PRKCA: variants seen among roughly 807,000 people sequenced by gnomAD.
PRKCA encodes protein kinase C alpha, also known as protein kinase C alpha type.
A neutral mutation model predicts 87.0 loss-of-function variants in PRKCA; 27 were observed. The ratio of observed to expected loss-of-function variants is 0.31; its 90% CI spans 0.23 to 0.43. PRKCA has a LOEUF of 0.43. PRKCA is among the 20% of genes least tolerant of loss of function. The probability of loss-of-function intolerance (pLI) is 1.00; values close to 1 mark genes in which losing one functional copy is unlikely to be tolerated. For missense variants in PRKCA, 518 were observed against 852.3 expected (o/e 0.61, Z 4.88); for synonymous variants, 329 against 311.1 (o/e 1.06, Z -0.61).
intron 2 of PRKCA, among the ~76,000 whole-genome samples, chr17:66,336,606 T>TG (rs762034474): frequency 3.3e-3 from 322 of 98,188 alleles, no homozygotes; most frequent in Non-Finnish European, 6.8e-3. Flanking sequence ...TTTTTGGTGG[T>TG]GGTGGGGGAG....
chr17:66,585,057 T>G (rs1969549472), intron 3 of PRKCA, among the ~76,000 whole-genome samples: 2 of 124,164 alleles, frequency 1.6e-5, no homozygotes, highest in Admixed American at 1.6e-4. Flanking sequence ...CATGGTGAAA[T>G]GCATGGGGAG....
In PRKCA at chr17:66,688,335, G is replaced by C. The variant is rs969058933; in HGVS notation, c.720G>C (p.Leu240=). 6.8e-6 allele frequency: 11 copies of C among 1,614,082 alleles called. No homozygotes were observed. Among genetic ancestry groups the C allele is most frequent in the African/African-American group, 4.0e-5 (3 of 74,942 alleles). Residue 240 remains leucine (L), a synonymous_variant, in exon 7 of 17, where the codon CTG becomes CTC. Coordinates refer to ENST00000413366, the MANE Select transcript of PRKCA (RefSeq NM_002737.3). ...KLKPSDKDRR[L]SVEIWDWDRT... ...AACCTTCAGACAAAGACCGACGACTGTCTGTAGAAATCTGGGACTGGGATC... is the reference window on the plus strand; with the variant it reads ...AACCTTCAGACAAAGACCGACGACTCTCTGTAGAAATCTGGGACTGGGATC...
At chr17:66,473,908 T>C (rs1423374283) in intron 2 of PRKCA, among the ~76,000 whole-genome samples, 1 of 152,056 alleles carries the variant, frequency 6.6e-6, no homozygotes, top group Non-Finnish European at 1.5e-5. Flanking sequence ...CACTCCAGTC[T>C]GGTTCTGGGC....
At chr17:66,652,689 A>C (rs1971620323) in intron 5 of PRKCA, among the ~76,000 whole-genome samples, 1 of 152,178 alleles carries the variant, frequency 6.6e-6, no homozygotes, top group Admixed American at 6.5e-5. Context: ...CTTCACTCCC[A>C]AAAACTTGGG....
At chr17:66,628,574 T>C (rs1478426353) in intron 3 of PRKCA, among the ~76,000 whole-genome samples, 1 of 152,212 alleles carries the variant, frequency 6.6e-6, no homozygotes, top group Non-Finnish European at 1.5e-5. Flanking sequence ...TTAACTACCT[T>C]TTCTAATTTT....
At chr17:66,482,121 A>AAAAG (rs1915813051) in intron 2 of PRKCA, among the ~76,000 whole-genome samples, 1 of 148,226 alleles carries the variant, frequency 6.7e-6, no homozygotes, top group African/African-American at 2.6e-5. Flanking sequence ...AAAAAAAGAA[A>AAAAG]AAAAGAAAAA....
chr17:66,773,957 A>C, intron 13 of PRKCA, 30 bp from the exon 14 acceptor site: 3 of 1,613,412 alleles, frequency 1.9e-6, no homozygotes, highest in Non-Finnish European at 2.5e-6. Flanking sequence ...ACTTACCACT[A>C]ATGTAATTGA....
intron 2 of PRKCA, among the ~76,000 whole-genome samples, chr17:66,429,640 A>C (rs1912999402): frequency 6.6e-6 from 1 of 152,086 alleles, no homozygotes; most frequent in Non-Finnish European, 1.5e-5. Context: ...CTAAGGTCCA[A>C]CTGCTGATTC....
chr17:66,338,951 G>A (rs2143337361), intron 2 of PRKCA, among the ~76,000 whole-genome samples: 1 of 152,272 alleles, frequency 6.6e-6, no homozygotes, highest in East Asian at 1.9e-4. Flanking sequence ...GAACATACTT[G>A]TGCCCACACA....
intron 2 of PRKCA, among the ~76,000 whole-genome samples, chr17:66,385,771 A>AT (rs373900429): frequency 2.6e-5 from 4 of 151,846 alleles, no homozygotes; most frequent in African/African-American, 9.7e-5. Context: ...GGGCACAATT[A>AT]TTTTTTTTCC....
intron 2 of PRKCA, among the ~76,000 whole-genome samples, chr17:66,404,574 G>A (rs1236407745): frequency 1.3e-5 from 2 of 151,920 alleles, no homozygotes; most frequent in South Asian, 2.1e-4. Flanking sequence ...TAGCAATAAC[G>A]TTTGAGAATT....
At chr17:66,438,496 A>G (rs1234189459) in intron 2 of PRKCA, among the ~76,000 whole-genome samples, 1 of 152,198 alleles carries the variant, frequency 6.6e-6, no homozygotes, top group Non-Finnish European at 1.5e-5. Flanking sequence ...AAGTTGTTTG[A>G]AAACTCTGTT....
At chr17:66,647,219 C>T (rs2143827985) in intron 5 of PRKCA, among the ~76,000 whole-genome samples, 1 of 152,278 alleles carries the variant, frequency 6.6e-6, no homozygotes, top group East Asian at 1.9e-4. Context: ...GCAGATTTTG[C>T]AGCCGAGGGG....
chr17:66,440,202 G>A (rs957981525), intron 2 of PRKCA, among the ~76,000 whole-genome samples: 2 of 152,174 alleles, frequency 1.3e-5, no homozygotes, highest in African/African-American at 4.8e-5. Context: ...AAACTCAAGT[G>A]ACTGACAAGG....
At chr17:66,393,700 C>T (rs1015749225) in intron 2 of PRKCA, among the ~76,000 whole-genome samples, 7 of 151,926 alleles carry the variant, frequency 4.6e-5, no homozygotes, top group Non-Finnish European at 8.8e-5. Flanking sequence ...GGGGACCACC[C>T]CAGGAACCCT....
intron 2 of PRKCA, among the ~76,000 whole-genome samples, chr17:66,433,257 C>T (rs185747581): frequency 6.6e-6 from 1 of 152,202 alleles, no homozygotes; most frequent in African/African-American, 2.4e-5. Flanking sequence ...GGGCCCAGAG[C>T]TTCCCTGCAG....
intron 3 of PRKCA, among the ~76,000 whole-genome samples, chr17:66,629,814 A>G (rs1212940435): frequency 9.2e-5 from 14 of 152,202 alleles, no homozygotes; most frequent in Admixed American, 9.2e-4. Flanking sequence ...GTTCCGTATC[A>G]TGAATATGAA....
intron 2 of PRKCA, among the ~76,000 whole-genome samples, chr17:66,479,273 C>G (rs974671905): frequency 2.0e-4 from 30 of 152,222 alleles, no homozygotes; most frequent in Admixed American, 1.5e-3. Context: ...CTCAACATCA[C>G]TGATCATTAG....
chr17:66,703,203 TAACAC>T (rs1973103862), intron 8 of PRKCA: 1 of 152,224 alleles, frequency 6.6e-6, no homozygotes, highest in Non-Finnish European at 1.5e-5. Context: ...AACACTTAAA[TAACAC>T]TTAAAACACA....
Sources: allele counts gnomAD v4.1 joint callset (sites outside exome capture counted in the v4.1 genomes callset), GRCh38; gene constraint gnomAD v4.1.1; transcripts MANE v1.5; gene names NCBI Gene and HGNC (gene_info 2026-07-23, HGNC 2026-07-21).